The following TP63 variants were observed in gnomAD, a reference collection of about 807,000 sequenced individuals.
TP63 encodes tumor protein p63.
TP63 carries 17 observed loss-of-function variants against 82.8 expected under a neutral mutation model. The observed-to-expected ratio is 0.21, with a 90% CI of 0.14 to 0.31. The LOEUF is 0.31. TP63 is among the 10% of genes least tolerant of loss of function. The pLI is 1.00. For missense variants in TP63, 648 were observed against 895.3 expected, an observed-to-expected ratio of 0.72 and a Z score of 3.52; for synonymous variants, 330 against 321.7, an observed-to-expected ratio of 1.03 and a Z score of -0.28.
chr3:189,865,654 T>C (rs1043887222), intron 5 of TP63, among the ~76,000 whole-genome samples: 5 of 152,220 alleles, frequency 3.3e-5, no homozygotes, highest in African/African-American at 1.2e-4. Flanking sequence ...GATCGGAATT[T>C]AAAAGAAGAA....
intron 1 of TP63, among the ~76,000 whole-genome samples, chr3:189,679,106 G>A (rs1250779338): frequency 1.3e-5 from 2 of 152,008 alleles, no homozygotes; most frequent in Non-Finnish European, 2.9e-5. Context: ...TGGGGGTGCA[G>A]ATAGCTCTTC....
chr3:189,671,555 G>A (rs1009921975), intron 1 of TP63, among the ~76,000 whole-genome samples: 8 of 151,882 alleles, frequency 5.3e-5, no homozygotes, highest in Admixed American at 5.3e-4. Flanking sequence ...TCAAAGGAAA[G>A]AAAATACATA....
intron 3 of TP63, among the ~76,000 whole-genome samples, chr3:189,800,486 A>G (rs1223781657): frequency 1.3e-5 from 2 of 151,726 alleles, no homozygotes; most frequent in South Asian, 2.1e-4. Context: ...AAAAAAAAAA[A>G]AAAGAAAAAA....
chr3:189,753,404 C>T (rs564549937), intron 3 of TP63, among the ~76,000 whole-genome samples: 1 of 151,972 alleles, frequency 6.6e-6, no homozygotes, highest in South Asian at 2.1e-4. Flanking sequence ...TTCTTTATTT[C>T]TGATATCTGA....
the TP63 span, among the ~76,000 whole-genome samples, chr3:189,605,149 A>G: frequency 6.6e-6 from 1 of 152,302 alleles, no homozygotes; most frequent in South Asian, 2.1e-4. Flanking sequence ...TTGGGGCATA[A>G]TTTCCTACAA....
At chr3:189,738,004 C>A in intron 2 of TP63, 136 bp downstream of exon 2, 2 of 1,034,010 alleles carry the variant, frequency 1.9e-6, no homozygotes, top group Non-Finnish European at 1.4e-6. Context: ...ACTCCAATGC[C>A]ATCTCTTTGT....
intron 4 of TP63, among the ~76,000 whole-genome samples, chr3:189,820,008 C>G (rs1318323736): frequency 6.6e-6 from 1 of 152,098 alleles, no homozygotes; most frequent in Admixed American, 6.6e-5. Flanking sequence ...CTCGGCCTCC[C>G]AAAGTGCTGG....
intron 10 of TP63, among the ~76,000 whole-genome samples, chr3:189,885,671 G>A (rs1211908684): frequency 6.6e-6 from 1 of 152,236 alleles, no homozygotes; most frequent in Admixed American, 6.5e-5. Flanking sequence ...TGAAGATCAT[G>A]CTGAATGGAA....
At chr3:189,852,606 T>G (rs1348660316) in intron 4 of TP63, among the ~76,000 whole-genome samples, 1 of 152,214 alleles carries the variant, frequency 6.6e-6, no homozygotes, top group East Asian at 1.9e-4. Flanking sequence ...AGGTTGGGCC[T>G]TCCTCATTTC....
rs138360491 is a variant in TP63, at chr3:189,871,838, C to T, written c.1213-1021C>T. ...CCAGACTCCAGCAATCCTCCCACCT[C>T]ACCTCCCCAGGTAGCTGGGACCACA... On this transcript the variant is annotated intron_variant, in intron 9 of 13. Transcript: ENST00000264731. 9.8e-4 allele frequency among the ~76,000 whole-genome samples: 150 copies of T among 152,314 alleles called. 1 individual carries two copies. The highest frequency in any genetic ancestry group is 3.3e-3 in the African/African-American group (139 of 41,578).
intron 1 of TP63, among the ~76,000 whole-genome samples, chr3:189,733,784 T>C (rs968405056): frequency 6.6e-6 from 1 of 152,340 alleles, no homozygotes; most frequent in South Asian, 2.1e-4. Context: ...TATCAACTTT[T>C]ACTTCTTCTC....
chr3:189,630,202 A>G (rs1397279622), upstream of TP63, among the ~76,000 whole-genome samples: 1 of 152,134 alleles, frequency 6.6e-6, no homozygotes, highest in Non-Finnish European at 1.5e-5. Flanking sequence ...TTTGACATCT[A>G]CTGATGTCAC....
rs1217750983 is a variant in TP63, at chr3:189,864,360, C to T, written c.708C>T (p.His236=). The T allele has an allele frequency of 5.0e-6, 8 of 1,613,948 alleles. No homozygotes were observed. The East Asian group carries it at 8.9e-5, about 18-fold the overall frequency. The change falls in exon 5 of 14, where the codon CAC becomes CAT. Residue 236 remains histidine, a synonymous_variant. Transcript: ENST00000264731. ...TGCCTGTCTACAAAAAAGCTGAGCA[C>T]GTCACGGAGGTGGTGAAGCGGTGCC... is the stretch of plus-strand genomic sequence containing the variant. The part of the protein sequence containing the change: ...RAMPVYKKAE[H]VTEVVKRCPN...
intron 1 of TP63, among the ~76,000 whole-genome samples, chr3:189,712,819 G>A (rs898401894): frequency 1.3e-5 from 2 of 152,096 alleles, no homozygotes; most frequent in East Asian, 1.9e-4. Context: ...ATGAAGGTAG[G>A]ATTATGAATT....
At chr3:189,890,578 A>G (rs1259862221) in intron 12 of TP63, among the ~76,000 whole-genome samples, 1 of 152,142 alleles carries the variant, frequency 6.6e-6, no homozygotes. Flanking sequence ...GAATCCTTAT[A>G]GTTGATTTTA....
chr3:189,884,073 C>T (rs1472940318), intron 10 of TP63, among the ~76,000 whole-genome samples: 1 of 152,184 alleles, frequency 6.6e-6, no homozygotes, highest in Admixed American at 6.5e-5. Flanking sequence ...GAGGTCTCCT[C>T]AGGTTACAGA....
At chr3:189,824,831 G>GT (rs938818519) in intron 4 of TP63, among the ~76,000 whole-genome samples, 1 of 140,320 alleles carries the variant, frequency 7.1e-6, no homozygotes, top group African/African-American at 2.6e-5. Flanking sequence ...GGTTTTGTAG[G>GT]TTTAAAAAAA....
chr3:189,639,023 G>A (rs1711571323), intron 1 of TP63, among the ~76,000 whole-genome samples: 1 of 152,122 alleles, frequency 6.6e-6, no homozygotes, highest in Non-Finnish European at 1.5e-5. Context: ...AAAGCCAAAT[G>A]GATTGTAAGA....
chr3:189,877,886 G>A (rs994996276), intron 10 of TP63, among the ~76,000 whole-genome samples: 5 of 151,930 alleles, frequency 3.3e-5, no homozygotes, highest in African/African-American at 7.3e-5. Context: ...TCTCTTTTTT[G>A]TAGGATTGTT....
Sources: allele counts gnomAD v4.1 joint callset (sites outside exome capture counted in the v4.1 genomes callset), GRCh38; gene constraint gnomAD v4.1.1; transcripts MANE v1.5; gene names NCBI Gene and HGNC (gene_info 2026-07-23, HGNC 2026-07-21).